The following NAV2 variants were observed in gnomAD, a reference collection of about 807,000 sequenced individuals.
NAV2 encodes helicase, APC down-regulated 1.
In NAV2, 54 loss-of-function variants were observed where a neutral mutation model predicts 223.2. That is an observed-to-expected ratio of 0.24 (90% confidence interval 0.19 to 0.30). The LOEUF is 0.30. NAV2 is among the 10% of genes least tolerant of loss of function. The pLI is 1.00. For missense variants in NAV2, 2,806 were observed against 3,147.5 expected (o/e 0.89, Z 2.60); for synonymous variants, 1,279 against 1,239.3 (o/e 1.03, Z -0.67).
At chr11:19,716,069 A>AT in intron 1 of NAV2, among the ~76,000 whole-genome samples, 1 of 129,274 alleles carries the variant, frequency 7.7e-6, no homozygotes, top group South Asian at 2.7e-4. Flanking sequence ...CCTCCAAAAC[A>AT]GTCTCTTGGT....
chr11:19,939,922 TC>T, intron 8 of NAV2, 149 bp downstream of exon 8: 1 of 563,660 alleles, frequency 1.8e-6, no homozygotes, highest in Non-Finnish European at 3.1e-6. Flanking sequence ...TTTTTTTTTT[TC>T]CTATTATTTT....
At chr11:19,505,379 A>T (rs1487926385) in intron 1 of NAV2, 1 of 152,204 alleles carries the variant, frequency 6.6e-6, no homozygotes, top group African/African-American at 2.4e-5. Flanking sequence ...AGGATTTCTT[A>T]CTTAGAGCTG....
chr11:19,777,230 C>G (rs1336695998), intron 1 of NAV2, among the ~76,000 whole-genome samples: 1 of 151,380 alleles, frequency 6.6e-6, no homozygotes, highest in African/African-American at 2.4e-5. Context: ...GAGGGAGGCA[C>G]GAGAGCTGGG....
chr11:20,077,719 G>A (rs1244689143), intron 23 of NAV2, 84 bp downstream of exon 23: 1 of 1,112,272 alleles, frequency 9.0e-7, no homozygotes, highest in Non-Finnish European at 1.4e-6. Context: ...TCAGATCATT[G>A]TGTGGATGTT....
chr11:20,015,291 T>A (rs559183273), intron 11 of NAV2, among the ~76,000 whole-genome samples: 1 of 152,276 alleles, frequency 6.6e-6, no homozygotes, highest in South Asian at 2.1e-4. Flanking sequence ...TTGGAGACAA[T>A]GACACAGAAA....
chr11:19,423,209 C>T (rs1037289894), intron 1 of NAV2, among the ~76,000 whole-genome samples: 6 of 152,202 alleles, frequency 3.9e-5, no homozygotes, highest in Admixed American at 3.9e-4. Context: ...TCTCTTTGAG[C>T]TTTTGTATCT....
chr11:19,400,077 A>AG lies in NAV2; in HGVS notation c.75+49051dup, dbSNP rs138327074. Among the ~76,000 whole-genome samples the AG allele has an allele frequency of 3.9e-3, 601 of 152,308 alleles. 3 individuals are homozygous for AG. Among genetic ancestry groups the AG allele is most frequent in the Middle Eastern group, 0.014 (4 of 294 alleles). On this transcript the variant is annotated intron_variant, in intron 1 of 37. Transcript: ENST00000360655. ...TATAAAGAGCAGAGTACATTTGGGA[A>AG]GCTGTAAGTCTTTCGGGGAGTTGTG... is the stretch of plus-strand genomic sequence containing the variant.
chr11:19,726,440 C>A (rs908771183), intron 1 of NAV2, among the ~76,000 whole-genome samples: 10 of 152,198 alleles, frequency 6.6e-5, no homozygotes, highest in Admixed American at 3.3e-4. Flanking sequence ...CGCCTCAGGG[C>A]CTTTGCACTT....
chr11:19,378,563 A>G (rs1395827723), intron 1 of NAV2, among the ~76,000 whole-genome samples: 2 of 151,202 alleles, frequency 1.3e-5, no homozygotes, highest in South Asian at 2.1e-4. Flanking sequence ...GCCGGTCGTG[A>G]TAACAGCATC....
chr11:19,852,485 A>C (rs2061199158), intron 3 of NAV2, among the ~76,000 whole-genome samples: 1 of 152,232 alleles, frequency 6.6e-6, no homozygotes, highest in African/African-American at 2.4e-5. Flanking sequence ...GGGCCGATAT[A>C]CATACTAAGC....
At chr11:19,528,547 AT>A (rs1468713813) in intron 1 of NAV2, among the ~76,000 whole-genome samples, 1 of 152,160 alleles carries the variant, frequency 6.6e-6, no homozygotes, top group Non-Finnish European at 1.5e-5. Flanking sequence ...GCTGGAAGGC[AT>A]TTGCCAGCTC....
intron 1 of NAV2, among the ~76,000 whole-genome samples, chr11:19,725,928 G>A (rs1565211468): frequency 1.3e-5 from 2 of 152,206 alleles, no homozygotes; most frequent in African/African-American, 2.4e-5. Flanking sequence ...CCTGGATTGT[G>A]AGGAAGCAGG....
At chr11:19,638,964 G>A (rs774401626) in intron 1 of NAV2, among the ~76,000 whole-genome samples, 2 of 152,170 alleles carry the variant, frequency 1.3e-5, no homozygotes, top group South Asian at 4.1e-4. Flanking sequence ...CTGCACTCCA[G>A]CTTGGGTGAC....
intron 1 of NAV2, among the ~76,000 whole-genome samples, chr11:19,355,083 C>T (rs1260953106): frequency 2.0e-5 from 3 of 152,178 alleles, no homozygotes; most frequent in Non-Finnish European, 2.9e-5. Context: ...TAAGAACCTA[C>T]TTAACTAGCA....
chr11:19,833,190 C>G (rs2060043946), intron 2 of NAV2, among the ~76,000 whole-genome samples: 1 of 152,136 alleles, frequency 6.6e-6, no homozygotes, highest in African/African-American at 2.4e-5. Flanking sequence ...TTGCCTTGGG[C>G]CTTAAGGTAA....
intron 4 of NAV2, among the ~76,000 whole-genome samples, chr11:19,876,099 C>T (rs2062815951): frequency 6.6e-6 from 1 of 152,068 alleles, no homozygotes; most frequent in South Asian, 2.1e-4. Flanking sequence ...GATCTCGGCT[C>T]ACTGCAACCT....
At chr11:19,852,833 G>A (rs1264391739) in intron 3 of NAV2, among the ~76,000 whole-genome samples, 2 of 152,080 alleles carry the variant, frequency 1.3e-5, no homozygotes, top group African/African-American at 2.4e-5. Flanking sequence ...AACAATAAGT[G>A]GTCCAACAAT....
At chr11:19,580,623 T>C (rs1165622866) in intron 1 of NAV2, among the ~76,000 whole-genome samples, 1 of 152,232 alleles carries the variant, frequency 6.6e-6, no homozygotes, top group African/African-American at 2.4e-5. Context: ...CCATAGCAGC[T>C]ACCATTTATT....
chr11:20,092,972 T>TTTCCCCCCC, intron 28 of NAV2, 127 bp from the exon 29 acceptor site: 1 of 165,378 alleles, frequency 6.0e-6, no homozygotes, highest in Non-Finnish European at 1.3e-5. Flanking sequence ...CCTCTTCCCC[T>TTTCCCCCCC]ACCCCCCCAC....
Sources: gnomAD v4.1 joint callset for allele counts (sites outside exome capture counted in the v4.1 genomes callset) on GRCh38, gnomAD v4.1.1 for gene constraint, MANE v1.5 for transcripts, NCBI Gene and HGNC (gene_info 2026-07-23, HGNC 2026-07-21) for gene names.